Variants in RBMS1 observed in about 807,000 individuals in gnomAD.
RBMS1 encodes the protein RNA-binding motif, single-stranded-interacting protein 1.
In RBMS1, 17 loss-of-function variants were observed where a neutral mutation model predicts 62.3. The observed-to-expected ratio is 0.27, with a 90% confidence interval of 0.19 to 0.41. The LOEUF is 0.41. RBMS1 is among the 10% of genes least tolerant of loss of function. RBMS1 has a pLI of 1.00. For missense variants in RBMS1, 334 were observed against 504.5 expected, an observed-to-expected ratio of 0.66 and a Z score of 3.24; for synonymous variants, 172 against 170.0, an observed-to-expected ratio of 1.01 and a Z score of -0.09.
At position 160,414,745 on chromosome 2, in the gene RBMS1, C is replaced by T. The variant is rs192754306; in HGVS notation, c.76-47354G>A. On this transcript the variant is annotated intron_variant, in intron 1 of 13. Coordinates refer to ENST00000348849, the MANE Select transcript of RBMS1 (RefSeq NM_016836.4). ...CCCTAAGTTTTTCTATTAAAAAAAT[C>T]GTTGAGTTAGCTAGCCCAACTAACC... 6.5e-4 allele frequency among the ~76,000 whole-genome samples: 98 copies of T among 151,628 alleles called. 1 individual carries two copies. The highest frequency in any genetic ancestry group is 3.4e-3 in the Middle Eastern group (1 of 294).
intron 1 of RBMS1, among the ~76,000 whole-genome samples, chr2:160,464,892 A>G (rs1392230809): frequency 6.6e-6 from 1 of 152,228 alleles, no homozygotes; most frequent in East Asian, 1.9e-4. Context: ...TCTGTACACC[A>G]TAAGGAAGGA....
In RBMS1 at chr2:160,393,549, C is replaced by T. The variant is rs376417255; in HGVS notation, c.76-26158G>A. On this transcript the variant is annotated intron_variant, in intron 1 of 13. Transcript: ENST00000348849. ...TCCTAGCAACTTTGGGAGGCCGAGG[C>T]GGGCAGAGCACCGAGGTCGGGAGTT... Among the ~76,000 whole-genome samples, 7 of 152,120 alleles carry T rather than the reference C, an allele frequency of 4.6e-5. No homozygotes were observed. The East Asian group carries it at 5.8e-4, about 13-fold the overall frequency.
intron 2 of RBMS1, among the ~76,000 whole-genome samples, chr2:160,355,380 C>T (rs1392870512): frequency 6.6e-6 from 1 of 152,092 alleles, no homozygotes; most frequent in East Asian, 1.9e-4. Context: ...AACAGGCACT[C>T]AATTTGCAGT....
intron 2 of RBMS1, among the ~76,000 whole-genome samples, chr2:160,337,713 C>T (rs1691654561): frequency 6.6e-6 from 1 of 152,070 alleles, no homozygotes; most frequent in Middle Eastern, 3.2e-3. Flanking sequence ...AAGAAATTGA[C>T]TAAATCTGAA....
At position 160,318,179 on chromosome 2, in the gene RBMS1, G is replaced by T. The variant is rs370929283; in HGVS notation, c.300C>A (p.Asn100Lys). 9.2e-6 allele frequency: 13 copies of T among 1,406,844 alleles called. No homozygotes were observed. Among genetic ancestry groups the T allele is most frequent in the Non-Finnish European group, 1.2e-5 (13 of 1,069,222 alleles). 87.1% of individuals were successfully genotyped at this position (1,406,844 alleles called of 1,614,324 possible). ...GCCAAGAAAACATACCTTTGCATTT[G>T]TTCGTTGTCTTATCCAAAATTGCCT... ...STKAILDKTTNKCKGYGFVDF... is the reference protein window; with the variant it reads ...STKAILDKTTKKCKGYGFVDF... The change falls in exon 3 of 14, where the codon AAC becomes AAA. Residue 100 changes from asparagine to lysine, a missense_variant. This residue lies in a region of RBMS1 where 150 missense variants were observed against 228.0 expected (regional missense o/e 0.66). Coordinates refer to ENST00000348849, the MANE Select transcript of RBMS1 (RefSeq NM_016836.4).
Position 160,290,860 on chromosome 2 carries a change from T to C in RBMS1, c.641-3776A>G, listed in dbSNP as rs144537958. On this transcript the variant is annotated intron_variant, in intron 6 of 13. Coordinates refer to ENST00000348849, the MANE Select transcript of RBMS1 (RefSeq NM_016836.4). Reference sequence around the variant, plus strand: ...AGAGCTTTGAGAGTGGGATGGTCTCTTACACAAGCTTGATTTTGTGGTACT... The same window carrying C: ...AGAGCTTTGAGAGTGGGATGGTCTCCTACACAAGCTTGATTTTGTGGTACT... Among the ~76,000 whole-genome samples the C allele has an allele frequency of 2.0e-3, 310 of 152,322 alleles. 4 individuals are homozygous for C. Among genetic ancestry groups the C allele is most frequent in the African/African-American group, 7.0e-3 (289 of 41,560 alleles).
At chr2:160,289,769 T>G (rs1351502814) in intron 6 of RBMS1, among the ~76,000 whole-genome samples, 1 of 152,098 alleles carries the variant, frequency 6.6e-6, no homozygotes, top group Admixed American at 6.6e-5. Flanking sequence ...GAAACAGCTG[T>G]ATTTCTTTGA....
At chr2:160,396,413 T>C (rs1695140897) in intron 1 of RBMS1, among the ~76,000 whole-genome samples, 1 of 152,290 alleles carries the variant, frequency 6.6e-6, no homozygotes, top group Admixed American at 6.5e-5. Flanking sequence ...GACCCATATG[T>C]ACTATCTCAT....
intron 4 of RBMS1, 89 bp downstream of exon 4, chr2:160,313,067 G>T: frequency 8.0e-7 from 1 of 1,256,084 alleles, no homozygotes; most frequent in African/African-American, 1.5e-5. Flanking sequence ...ATGAAGGGGA[G>T]ATTACAGATG....
chr2:160,491,189 C>T (rs563625790), intron 1 of RBMS1, among the ~76,000 whole-genome samples: 3 of 152,158 alleles, frequency 2.0e-5, no homozygotes, highest in Admixed American at 6.5e-5. Context: ...TAGAAGATGT[C>T]CCCTTCTGAG....
At chr2:160,314,692 A>G (rs913579705) in intron 3 of RBMS1, among the ~76,000 whole-genome samples, 2 of 152,198 alleles carry the variant, frequency 1.3e-5, no homozygotes, top group Non-Finnish European at 1.5e-5. Context: ...CGGCTTCCTT[A>G]TATATTACTT....
intron 2 of RBMS1, among the ~76,000 whole-genome samples, chr2:160,353,480 CA>C (rs1692633129): frequency 6.6e-6 from 1 of 152,108 alleles, no homozygotes; most frequent in Non-Finnish European, 1.5e-5. Flanking sequence ...AAAGAAACTC[CA>C]AATCCTTCAT....
At chr2:160,439,349 C>A (rs2105299801) in intron 1 of RBMS1, among the ~76,000 whole-genome samples, 1 of 150,494 alleles carries the variant, frequency 6.6e-6, no homozygotes, top group Non-Finnish European at 1.5e-5. Context: ...GGGGCGGTTG[C>A]CAGGCAGAGG....
At position 160,313,096 on chromosome 2, in the gene RBMS1, C is replaced by T. The variant is rs192943541; in HGVS notation, c.402+60G>A. 8 of 1,513,678 alleles carry T rather than the reference C, an allele frequency of 5.3e-6. No homozygotes were observed. The East Asian group carries it at 1.8e-4, about 34-fold the overall frequency. The allele number at this position is 1,513,678 out of a possible 1,614,324, so 93.8% of individuals were successfully genotyped here. A position where few individuals can be genotyped will look rare whatever the true frequency, so the allele number is the denominator to read the frequency against. On this transcript the variant is annotated intron_variant, in intron 4 of 13. Transcript: ENST00000348849. ...ACAGATGCAGATAGAAAAAGCAGACCTGTCGGGCTTCACAACCAAAGCTGT... is the reference window on the plus strand; with the variant it reads ...ACAGATGCAGATAGAAAAAGCAGACTTGTCGGGCTTCACAACCAAAGCTGT...
chr2:160,435,700 A>G (rs1400200364), intron 1 of RBMS1, among the ~76,000 whole-genome samples: 2 of 152,224 alleles, frequency 1.3e-5, no homozygotes, highest in Non-Finnish European at 2.9e-5. Flanking sequence ...CTCCTCACAT[A>G]AAAAGCAAGG....
chr2:160,462,491 C>G (rs781436241), intron 1 of RBMS1, among the ~76,000 whole-genome samples: 1 of 151,926 alleles, frequency 6.6e-6, no homozygotes, highest in Non-Finnish European at 1.5e-5. Context: ...TAAACCTAGG[C>G]GGTTTTTGAG....
Position 160,318,229 on chromosome 2 carries a change from T to TAAAAAAAAAAAA in RBMS1, c.252-14_252-3dup, listed in dbSNP as rs5835799. 32 of 1,164,698 alleles carry TAAAAAAAAAAAA rather than the reference T, an allele frequency of 2.7e-5. No homozygotes were observed. Among genetic ancestry groups the TAAAAAAAAAAAA allele is most frequent in the South Asian group, 1.2e-4 (6 of 49,564 alleles). 72.1% of individuals were successfully genotyped at this position (1,164,698 alleles called of 1,614,324 possible). On this transcript the variant is annotated splice_polypyrimidine_tract_variant and splice_region_variant and intron_variant, in intron 2 of 13. Transcript: ENST00000348849. ...TTTGTGGAGACTATTTTCCCATATC[T>TAAAAAAAAAAAA]AAAAAAAAAAAAAAAAAAAAAAAGG...
chr2:160,375,207 G>C (rs569547174), intron 1 of RBMS1, among the ~76,000 whole-genome samples: 1 of 152,304 alleles, frequency 6.6e-6, no homozygotes, highest in South Asian at 2.1e-4. Context: ...CTGCCAAATA[G>C]AGAAATGGAG....
rs1189099964 is a variant in RBMS1, at chr2:160,273,280, CTTT to C, written c.*1489_*1491del. On this transcript the variant is annotated 3_prime_UTR_variant, in exon 14 of 14. Transcript: ENST00000348849. ...GCTTGGATCCAAATCTTCCTTCATG[CTTT>C]TTTGTTTGTGTGTGTCCATACATCA... 1.3e-5 allele frequency: 2 copies of C among 152,134 alleles called. No homozygotes were observed. The highest frequency in any genetic ancestry group is 3.8e-4 in the East Asian group (2 of 5,202). The allele number at this position is 152,134 out of a possible 1,614,324, so 9.4% of individuals were successfully genotyped here.
Sources: gnomAD v4.1 joint callset for allele counts (sites outside exome capture counted in the v4.1 genomes callset) on GRCh38, gnomAD v4.1.1 for gene constraint, gnomAD v4.1.1 regional missense constraint, MANE v1.5 for transcripts, NCBI Gene and HGNC (gene_info 2026-07-23, HGNC 2026-07-21) for gene names.